The following SPTB variants were observed in gnomAD, a reference collection of about 807,000 sequenced individuals.
SPTB encodes spectrin beta chain, erythrocytic.
Under a neutral mutation model 256.2 loss-of-function variants are expected in SPTB, and 45 were observed. That is an observed-to-expected ratio of 0.18 (90% CI 0.14 to 0.23). SPTB has a LOEUF of 0.23. SPTB is among the 10% of genes least tolerant of loss of function. The pLI is 1.00. For missense variants in SPTB, 2,715 were observed against 3,040.4 expected (o/e 0.89, Z 2.52); for synonymous variants, 1,231 against 1,243.1 (o/e 0.99, Z 0.21).
chr14:64,815,336 C>T (rs927201344), intron 2 of SPTB, among the ~76,000 whole-genome samples: 13 of 152,272 alleles, frequency 8.5e-5, no homozygotes, highest in Non-Finnish European at 2.9e-5. Context: ...GAAGAACATT[C>T]AATAGGGGCC....
At chr14:64,803,007 A>T (rs2082915443) in intron 4 of SPTB, among the ~76,000 whole-genome samples, 1 of 152,140 alleles carries the variant, frequency 6.6e-6, no homozygotes, top group Non-Finnish European at 1.5e-5. Flanking sequence ...TTATGCACCC[A>T]TGGAGAGTGA....
Position 64,760,503 on chromosome 14 carries a change from C to A in SPTB, c.6345+6223G>T, listed in dbSNP as rs557089778. ...TGCATTTACAAGCAAAGAACACAGG[C>A]GACAAGGTCTTCTCTCTAAAGGTAA... On this transcript the variant is annotated intron_variant, in intron 32 of 35. Coordinates refer to ENST00000644917, the MANE Select transcript of SPTB (RefSeq NM_001355436.2). This position sits in a 1 kb window ranked among gnomAD's most constrained non-coding sequence, Gnocchi z 4.3. 2.6e-4 allele frequency among the ~76,000 whole-genome samples: 40 copies of A among 152,120 alleles called. No homozygotes were observed. The highest frequency in any genetic ancestry group is 4.9e-4 in the Non-Finnish European group (33 of 68,032).
chr14:64,779,013 A>G lies in SPTB; in HGVS notation c.4563+144T>C. 1 of 671,132 alleles carries G rather than the reference A, an allele frequency of 1.5e-6. No individual in the cohort carries two copies. The highest frequency in any genetic ancestry group is 2.7e-6 in the Non-Finnish European group (1 of 371,738). 41.6% of individuals were successfully genotyped at this position (671,132 alleles called of 1,614,324 possible). On this transcript the variant is annotated intron_variant, in intron 22 of 35. Transcript: ENST00000644917. The surrounding 1 kb of genome is among the most constrained non-coding windows in gnomAD (Gnocchi z 4.2). Reference sequence around the variant, plus strand: ...CTCTTTCTGCTATAAGATTACCAATACGGTTTGGAGACCCCAAAGCTACCA... The same window carrying G: ...CTCTTTCTGCTATAAGATTACCAATGCGGTTTGGAGACCCCAAAGCTACCA...
At chr14:64,818,851 T>C (rs1434487566) in intron 2 of SPTB, among the ~76,000 whole-genome samples, 1 of 152,196 alleles carries the variant, frequency 6.6e-6, no homozygotes. Context: ...ACTTGGGCTT[T>C]TCAGCTGCTG....
At chr14:64,869,278 T>C (rs1466223066) in intron 1 of SPTB, among the ~76,000 whole-genome samples, 3 of 152,250 alleles carry the variant, frequency 2.0e-5, no homozygotes, top group African/African-American at 7.2e-5. Context: ...GTTGACTTAC[T>C]GTTATAATAA....
chr14:64,769,613 G>A lies in SPTB; in HGVS notation c.5914C>T (p.Arg1972Trp), dbSNP rs529298380. The change falls in exon 28 of 36, where the codon CGG becomes TGG. Residue 1972 changes from arginine (R) to tryptophan (W), a missense_variant. Transcript: ENST00000644917. ...CLELGESLLQ[R>W]QHQASEEIRE... ...ACCTCCTCTGAGGCCTGGTGCTGCC[G>A]CTGCAGCAGGGACTCGCCAAGCTCC... is the stretch of plus-strand genomic sequence containing the variant. The A allele has an allele frequency of 5.6e-6, 9 of 1,614,012 alleles. No homozygotes were observed. Among genetic ancestry groups the A allele is most frequent in the African/African-American group, 2.7e-5 (2 of 75,058 alleles).
In SPTB at chr14:64,785,916, G is replaced by A. The variant is rs745505216; in HGVS notation, c.3597C>T (p.Ser1199=). 2 of 1,614,106 alleles carry A rather than the reference G, an allele frequency of 1.2e-6. No homozygotes were observed. The highest frequency in any genetic ancestry group is 1.7e-6 in the Non-Finnish European group (2 of 1,180,026). Residue 1199 remains serine (S), a synonymous_variant, in exon 17 of 36, where the codon TCC becomes TCT. Transcript: ENST00000644917. The surrounding 1 kb of genome is among the most constrained non-coding windows in gnomAD (Gnocchi z 4.4). ...GGATCCCAGCCTCTGCAGCTTCCAG[G>A]GAGTCTGGGGGCTCCAAGTGAGCCA... ...YTLAHLEPPD[S]LEAAEAGIRK... is the part of the protein sequence containing the mutation.
intron 1 of SPTB, among the ~76,000 whole-genome samples, chr14:64,858,406 A>G (rs897840890): frequency 6.6e-6 from 1 of 152,204 alleles, no homozygotes; most frequent in African/African-American, 2.4e-5. Context: ...ATACTAAGAA[A>G]GGCACCATCT....
chr14:64,778,127 C>T lies in SPTB; in HGVS notation c.4563+1030G>A, dbSNP rs953406455. ...TATCATCTTCTAGCCCAGGTCCCTGCGTGTGGCTGCTGGAGCCTCTGCGAC... is the reference window on the plus strand; with the variant it reads ...TATCATCTTCTAGCCCAGGTCCCTGTGTGTGGCTGCTGGAGCCTCTGCGAC... On this transcript the variant is annotated intron_variant, in intron 22 of 35. Transcript: ENST00000644917. The surrounding 1 kb of genome is among the most constrained non-coding windows in gnomAD (Gnocchi z 5.2). 3.3e-5 allele frequency among the ~76,000 whole-genome samples: 5 copies of T among 152,186 alleles called. No homozygotes were observed. Among genetic ancestry groups the T allele is most frequent in the African/African-American group, 9.7e-5 (4 of 41,430 alleles).
rs373048331 is a variant in SPTB, at chr14:64,809,122, C to G, written c.149-4032G>C. ...TTAAAAATACAAAAAATTAGCCAGG[C>G]ATGGTGGCAAGAACCTGTAATCCCA... is the stretch of plus-strand genomic sequence containing the variant. On this transcript the variant is annotated intron_variant, in intron 2 of 35. Transcript: ENST00000644917. Among the ~76,000 whole-genome samples, 78 of 151,824 alleles carry G rather than the reference C, an allele frequency of 5.1e-4. 3 individuals carry two copies. The South Asian group carries it at 0.014, about 28-fold the overall frequency.
At chr14:64,808,071 G>A (rs146343781) in intron 2 of SPTB, among the ~76,000 whole-genome samples, 1,811 of 152,304 alleles carry the variant, frequency 0.012, 45 homozygotes, top group African/African-American at 0.041. Flanking sequence ...GGAGTGCAGC[G>A]GCGCAATCTT....
intron 32 of SPTB, among the ~76,000 whole-genome samples, chr14:64,757,927 A>C (rs1420030210): frequency 6.6e-6 from 1 of 152,138 alleles, no homozygotes; most frequent in Non-Finnish European, 1.5e-5. Context: ...ATCCAGGACC[A>C]ACAGCAGAGG....
chr14:64,850,304 G>A (rs188457905), intron 1 of SPTB, among the ~76,000 whole-genome samples: 9 of 152,232 alleles, frequency 5.9e-5, no homozygotes, highest in Middle Eastern at 3.4e-3. Context: ...GTAGGATAAG[G>A]GCCTCCCCAG....
intron 2 of SPTB, among the ~76,000 whole-genome samples, chr14:64,818,442 G>A (rs1176420015): frequency 6.6e-6 from 1 of 152,142 alleles, no homozygotes; most frequent in Non-Finnish European, 1.5e-5. Context: ...GGGGAATGAG[G>A]CTCATGCACA....
chr14:64,859,433 G>A (rs1163479714), intron 1 of SPTB, among the ~76,000 whole-genome samples: 3 of 151,952 alleles, frequency 2.0e-5, no homozygotes, highest in Admixed American at 2.0e-4. Flanking sequence ...TTAAACTATA[G>A]AACATTTTCA....
intron 1 of SPTB, among the ~76,000 whole-genome samples, chr14:64,859,694 GTCTCTC>G (rs139838497): frequency 4.9e-4 from 26 of 52,938 alleles, no homozygotes; most frequent in Admixed American, 1.7e-3. Flanking sequence ...CTCTCTCTCT[GTCTCTC>G]TCTCTCTCTC....
intron 1 of SPTB, among the ~76,000 whole-genome samples, chr14:64,836,818 T>G (rs2083529845): frequency 6.6e-6 from 1 of 152,220 alleles, no homozygotes; most frequent in African/African-American, 2.4e-5. Flanking sequence ...CAGATGTAAC[T>G]ATCCACCTTC....
chr14:64,772,445 G>A lies in SPTB; in HGVS notation c.5553+135C>T. ...TCTGAAAGCCACTGCTCCCAGCCCTGAGCTCCTGGCTGTCTAAGGAGGCAA... is the reference window on the plus strand; with the variant it reads ...TCTGAAAGCCACTGCTCCCAGCCCTAAGCTCCTGGCTGTCTAAGGAGGCAA... On this transcript the variant is annotated intron_variant, in intron 26 of 35. Coordinates refer to ENST00000644917, the MANE Select transcript of SPTB (RefSeq NM_001355436.2). This position sits in a 1 kb window ranked among gnomAD's most constrained non-coding sequence, Gnocchi z 5.4. 6.5e-6 allele frequency: 8 copies of A among 1,221,766 alleles called. No homozygotes were observed. The highest frequency in any genetic ancestry group is 7.9e-6 in the Non-Finnish European group (7 of 889,884). 75.7% of individuals were successfully genotyped at this position (1,221,766 alleles called of 1,614,324 possible). A position where few individuals can be genotyped will look rare whatever the true frequency, so the allele number is the denominator to read the frequency against.
At chr14:64,848,171 C>T (rs774360032) in intron 1 of SPTB, among the ~76,000 whole-genome samples, 3 of 152,172 alleles carry the variant, frequency 2.0e-5, no homozygotes, top group Admixed American at 6.5e-5. Flanking sequence ...ATGGCTCCTC[C>T]CATTTTACCT....
Sources: allele counts gnomAD v4.1 joint callset (sites outside exome capture counted in the v4.1 genomes callset), GRCh38; gene constraint gnomAD v4.1.1; non-coding constraint Gnocchi (gnomAD v3.1); transcripts MANE v1.5; gene names NCBI Gene and HGNC (gene_info 2026-07-23, HGNC 2026-07-21).